Variants in ABCB5 observed in about 807,000 individuals in gnomAD.
The protein encoded by ABCB5 is ATP binding cassette subfamily B member 5.
Under a neutral mutation model 144.2 loss-of-function variants are expected in ABCB5, and 155 were observed. The ratio of observed to expected loss-of-function variants is 1.08; its 90% CI spans 0.94 to 1.23. The LOEUF is 1.23. ABCB5 is among the 50% of genes most tolerant of loss of function. The pLI, the probability that ABCB5 is intolerant of heterozygous loss-of-function variation, is 0.00. For missense variants in ABCB5, 1,830 were observed against 1,520.8 expected (o/e 1.20, Z -3.38); for synonymous variants, 610 against 528.6 (o/e 1.15, Z -2.11).
chr7:20,656,463 G>C (rs1336231400), intron 13 of ABCB5, among the ~76,000 whole-genome samples: 3 of 152,054 alleles, frequency 2.0e-5, no homozygotes. Flanking sequence ...AATTTGAACA[G>C]ACATTTTACA....
At chr7:20,640,747 GA>G (rs558869800) in intron 5 of ABCB5, among the ~76,000 whole-genome samples, 1 of 151,846 alleles carries the variant, frequency 6.6e-6, no homozygotes, top group African/African-American at 2.4e-5. Context: ...TTGGGACTTA[GA>G]AAAAAAACTT....
At chr7:20,620,325 T>C (rs1283472051) in intron 1 of ABCB5, among the ~76,000 whole-genome samples, 3 of 152,112 alleles carry the variant, frequency 2.0e-5, no homozygotes, top group African/African-American at 7.2e-5. Flanking sequence ...GGAAAAAATT[T>C]TTGACACTGG....
chr7:20,651,458 G>C lies in ABCB5; in HGVS notation c.1371G>C (p.Val457=), dbSNP rs1562539366. The change falls in exon 13 of 28, where the codon GTG becomes GTC. Residue 457 remains valine, a synonymous_variant. Transcript: ENST00000404938. ...VDENDIRALN[V]RHYRDHIGVV... ...AGAATGACATCAGAGCTTTAAATGT[G>C]CGGCATTATCGAGACCATATTGGAG... The C allele has an allele frequency of 1.9e-6, 3 of 1,614,056 alleles. No individual in the cohort carries two copies. Among genetic ancestry groups the C allele is most frequent in the Non-Finnish European group, 2.5e-6 (3 of 1,180,000 alleles).
intron 14 of ABCB5, chr7:20,666,864 T>C: frequency 1.5e-6 from 2 of 1,373,216 alleles, no homozygotes; most frequent in Non-Finnish European, 1.9e-6. Context: ...ATCTTTACAC[T>C]AATTCTGGCT....
At chr7:20,696,405 A>T (rs950366025) in intron 16 of ABCB5, among the ~76,000 whole-genome samples, 16 of 152,208 alleles carry the variant, frequency 1.1e-4, no homozygotes, top group African/African-American at 3.8e-4. Context: ...TAGTTGCAGG[A>T]GGAAGGAAGG....
chr7:20,700,242 G>A, intron 19 of ABCB5, 107 bp downstream of exon 19: 4 of 1,010,158 alleles, frequency 4.0e-6, no homozygotes, highest in Non-Finnish European at 5.7e-6. Context: ...TTCTTTGAAA[G>A]CACACTCTTT....
chr7:20,661,167 C>T (rs1249405943), intron 14 of ABCB5, among the ~76,000 whole-genome samples: 1 of 152,210 alleles, frequency 6.6e-6, no homozygotes, highest in African/African-American at 2.4e-5. Context: ...CCCCACCTCA[C>T]TCTAAGTAAA....
Position 20,666,561 on chromosome 7 carries a change from A to G in ABCB5, c.1707+7885A>G, listed in dbSNP as rs78155891. On this transcript the variant is annotated intron_variant, in intron 14 of 27. Coordinates refer to ENST00000404938, the MANE Select transcript of ABCB5 (RefSeq NM_001163941.2). ...AAGCACCCTCTTTTTCAAAGTCCAA[A>G]ATAATGACCTGGTGATGTATGGCTG... Among the ~76,000 whole-genome samples, 374 of 152,300 alleles carry G rather than the reference A, an allele frequency of 2.5e-3. 7 individuals carry two copies. The South Asian group carries it at 0.044, about 18-fold the overall frequency.
At chr7:20,749,244 T>G (rs1782838460) in intron 26 of ABCB5, among the ~76,000 whole-genome samples, 1 of 144,342 alleles carries the variant, frequency 6.9e-6, no homozygotes, top group Non-Finnish European at 1.5e-5. Context: ...TTCTTTTCTT[T>G]CTTCACAGGG....
intron 14 of ABCB5, among the ~76,000 whole-genome samples, chr7:20,676,648 C>T (rs959013593): frequency 2.0e-5 from 3 of 152,060 alleles, no homozygotes; most frequent in Non-Finnish European, 4.4e-5. Context: ...TTATGTAAGA[C>T]GAATAAGTTC....
intron 1 of ABCB5, among the ~76,000 whole-genome samples, chr7:20,622,587 G>A (rs1163432178): frequency 6.6e-6 from 1 of 151,884 alleles, no homozygotes; most frequent in Non-Finnish European, 1.5e-5. Flanking sequence ...ATGTTATAGG[G>A]CCTAACAACT....
chr7:20,667,903 T>C (rs1785261884), intron 14 of ABCB5, among the ~76,000 whole-genome samples: 2 of 144,076 alleles, frequency 1.4e-5, no homozygotes, highest in African/African-American at 5.2e-5. Flanking sequence ...CGTTTTTTTT[T>C]TGGTGGAGAC....
rs908168400 is a variant in ABCB5 at position 20,755,885 on chromosome 7, C to G, written c.*261C>G. The G allele has an allele frequency of 4.9e-5, 19 of 387,852 alleles. No homozygotes were observed. The highest frequency in any genetic ancestry group is 3.9e-4 in the African/African-American group (19 of 48,918). 24.0% of individuals were successfully genotyped at this position (387,852 alleles called of 1,614,324 possible). ...TATTCTAGCACATTTGCTTGTAAAGCAGTTTTCTACAAGGTGAATTTATTT... is the reference window on the plus strand; with the variant it reads ...TATTCTAGCACATTTGCTTGTAAAGGAGTTTTCTACAAGGTGAATTTATTT... On this transcript the variant is annotated 3_prime_UTR_variant, in exon 28 of 28. Coordinates refer to ENST00000404938, the MANE Select transcript of ABCB5 (RefSeq NM_001163941.2).
chr7:20,735,689 T>C (rs532255352), intron 23 of ABCB5, among the ~76,000 whole-genome samples: 2 of 152,170 alleles, frequency 1.3e-5, no homozygotes, highest in African/African-American at 4.8e-5. Flanking sequence ...GATTCTAAAA[T>C]GGAAAGCAAG....
intron 11 of ABCB5, among the ~76,000 whole-genome samples, chr7:20,648,299 G>C (rs1185497003): frequency 6.6e-6 from 1 of 152,062 alleles, no homozygotes; most frequent in Non-Finnish European, 1.5e-5. Flanking sequence ...AGCATTTTCA[G>C]CTCCGTGAAA....
chr7:20,645,003 A>G (rs536683009), intron 7 of ABCB5, among the ~76,000 whole-genome samples: 2 of 152,228 alleles, frequency 1.3e-5, no homozygotes, highest in Non-Finnish European at 2.9e-5. Context: ...ACAGAAGAGA[A>G]GTAAATGAGG....
At chr7:20,643,398 C>A in intron 6 of ABCB5, 23 bp downstream of exon 6, 4 of 1,613,332 alleles carry the variant, frequency 2.5e-6, no homozygotes, top group Non-Finnish European at 3.4e-6. Flanking sequence ...TATTGTAGTA[C>A]GTTAGCTTTG....
chr7:20,734,579 T>A (rs1782325232), intron 23 of ABCB5, among the ~76,000 whole-genome samples: 3 of 151,738 alleles, frequency 2.0e-5, no homozygotes, highest in Admixed American at 2.0e-4. Flanking sequence ...AAGGGAGTTT[T>A]AACAGCAAAA....
intron 20 of ABCB5, among the ~76,000 whole-genome samples, chr7:20,711,779 T>TCTTTCTTTCTTC (rs1787049846): frequency 1.3e-4 from 1 of 7,478 alleles, no homozygotes; most frequent in Non-Finnish European, 1.9e-4. Context: ...TCCTTCTTTC[T>TCTTTCTTTCTTC]CTTTCTTTCT....
Sources: allele counts gnomAD v4.1 joint callset (sites outside exome capture counted in the v4.1 genomes callset), GRCh38; gene constraint gnomAD v4.1.1; transcripts MANE v1.5; gene names NCBI Gene and HGNC (gene_info 2026-07-23, HGNC 2026-07-21).